KIF18A: variants seen among roughly 807,000 people sequenced by gnomAD.
KIF18A encodes the protein kinesin family member 18A.
A neutral mutation model predicts 103.3 loss-of-function variants in KIF18A; 67 were observed. That is an observed-to-expected ratio of 0.65 (90% confidence interval 0.53 to 0.79). The LOEUF is 0.79. Among genes scored for constraint, KIF18A ranks in the 30% least tolerant of loss-of-function variants. KIF18A has a pLI of 0.00. For missense variants in KIF18A, 1,032 were observed against 1,062.5 expected (o/e 0.97, Z 0.40); for synonymous variants, 367 against 355.5 (o/e 1.03, Z -0.36).
chr11:28,023,719 C>G (rs759756095), intron 16 of KIF18A, 22 bp downstream of exon 16: 1 of 1,342,766 alleles, frequency 7.4e-7, no homozygotes, highest in South Asian at 1.2e-5. Flanking sequence ...CATTAAATAT[C>G]AAATTAAAAG....
intron 15 of KIF18A, among the ~76,000 whole-genome samples, chr11:28,026,203 T>C (rs1040181519): frequency 2.0e-5 from 3 of 151,864 alleles, no homozygotes; most frequent in Non-Finnish European, 3.0e-5. Context: ...TAAACAAATC[T>C]GTTGGGTAGG....
chr11:28,062,430 A>G lies in KIF18A; in HGVS notation c.1677T>C (p.Ala559=). Residue 559 remains alanine (A), a synonymous_variant, in exon 12 of 17, where the codon GCT becomes GCC. Coordinates refer to ENST00000263181, the MANE Select transcript of KIF18A (RefSeq NM_031217.4). ...GCCTGTGTTGCTGTTCCTGAAGACA[A>G]GCTAGATCCATCATATGTCTAATTT... ...KAQIRHMMDL[A]CLQEQQHRQT... The G allele has an allele frequency of 1.9e-6, 3 of 1,611,870 alleles. No individual in the cohort carries two copies. Among genetic ancestry groups the G allele is most frequent in the Non-Finnish European group, 2.5e-6 (3 of 1,178,660 alleles).
Position 28,023,657 on chromosome 11 carries a change from T to C in KIF18A, c.2614+84A>G, listed in dbSNP as rs370591664. ...GGTGATGAATAAAGGGAGATTCTTA[T>C]GAAAACACAATAAAAAACGTAAAGT... is the stretch of plus-strand genomic sequence containing the variant. On this transcript the variant is annotated intron_variant, in intron 16 of 16. Transcript: ENST00000263181. 60 of 639,856 alleles carry C rather than the reference T, an allele frequency of 9.4e-5. No individual in the cohort carries two copies. In the African/African-American group the frequency reaches 9.9e-4, roughly 11 times the overall value. The allele number at this position is 639,856 out of a possible 1,614,324, so 39.6% of individuals were successfully genotyped here.
chr11:28,042,074 T>C (rs533641575), intron 13 of KIF18A, among the ~76,000 whole-genome samples: 2 of 151,884 alleles, frequency 1.3e-5, no homozygotes, highest in African/African-American at 4.8e-5. Flanking sequence ...TGGACACTCA[T>C]AGAGACTTGA....
At chr11:28,041,378 C>T (rs1429543192) in intron 13 of KIF18A, among the ~76,000 whole-genome samples, 1 of 151,486 alleles carries the variant, frequency 6.6e-6, no homozygotes, top group Non-Finnish European at 1.5e-5. Context: ...CTATGAAGAT[C>T]TGGGGGAAAA....
At chr11:28,097,579 G>T in intron 2 of KIF18A, 44 bp downstream of exon 2, 1 of 1,282,394 alleles carries the variant, frequency 7.8e-7, no homozygotes. Context: ...TAATGCAAAA[G>T]TGAAATCGGA....
intron 2 of KIF18A, 111 bp from the exon 3 acceptor site, chr11:28,094,911 C>A: frequency 9.8e-7 from 1 of 1,020,830 alleles, no homozygotes; most frequent in East Asian, 2.5e-5. Flanking sequence ...TCTTTAAACC[C>A]TACAAATCCA....
At chr11:28,073,019 A>G (rs1321797441) in intron 10 of KIF18A, among the ~76,000 whole-genome samples, 1 of 152,116 alleles carries the variant, frequency 6.6e-6, no homozygotes, top group Non-Finnish European at 1.5e-5. Context: ...TTTTGGCTAC[A>G]AAAATAGATT....
rs900910918 is a variant in KIF18A, at chr11:28,024,320, AT to A, written c.2505-471del. Among the ~76,000 whole-genome samples the A allele has an allele frequency of 2.5e-4, 38 of 152,068 alleles. 1 individual carries two copies. The highest frequency in any genetic ancestry group is 8.9e-4 in the African/African-American group (37 of 41,418). On this transcript the variant is annotated intron_variant, in intron 15 of 16. Coordinates refer to ENST00000263181, the MANE Select transcript of KIF18A (RefSeq NM_031217.4). The stretch of plus-strand genomic sequence containing the variant: ...AAATGAAAGCAGGGTAACAATAAAA[AT>A]CTCTAATTATTACAATCACAGAAAC...
intron 13 of KIF18A, among the ~76,000 whole-genome samples, chr11:28,048,902 A>C (rs1159246370): frequency 6.6e-6 from 1 of 152,088 alleles, no homozygotes; most frequent in Non-Finnish European, 1.5e-5. Context: ...GAAATTGCAG[A>C]GGCCAGAAAC....
intron 15 of KIF18A, among the ~76,000 whole-genome samples, 162 bp downstream of exon 15, chr11:28,035,225 T>A (rs1850469194): frequency 6.6e-6 from 1 of 151,584 alleles, no homozygotes; most frequent in African/African-American, 2.4e-5. Context: ...AGATCTCCCT[T>A]TGATAATATA....
intron 15 of KIF18A, 45 bp from the exon 16 acceptor site, chr11:28,023,895 C>A (rs755622423): frequency 3.1e-6 from 3 of 970,766 alleles, no homozygotes; most frequent in Admixed American, 3.7e-5. Context: ...TTTTTTTATA[C>A]CTCAAAGTTC....
chr11:28,086,464 CAAAT>C (rs922019901), intron 6 of KIF18A, among the ~76,000 whole-genome samples: 2 of 152,024 alleles, frequency 1.3e-5, no homozygotes, highest in African/African-American at 2.4e-5. Context: ...TTTGAAGTAA[CAAAT>C]AAATTTTCCA....
chr11:28,052,538 C>T (rs1850724377), intron 13 of KIF18A, among the ~76,000 whole-genome samples: 1 of 152,048 alleles, frequency 6.6e-6, no homozygotes, highest in Non-Finnish European at 1.5e-5. Flanking sequence ...ATAGCTAGTC[C>T]TGTGAAGTCC....
rs529060412 is a variant in KIF18A at position 28,065,686 on chromosome 11, A to C, written c.1591-3170T>G. On this transcript the variant is annotated intron_variant, in intron 11 of 16. Transcript: ENST00000263181. ...TTTTTAAAATTGGAAGCTTACGGTA[A>C]TGTGGGATAGAAAAGGCAAACTAGT... Among the ~76,000 whole-genome samples, 3 of 152,172 alleles carry C rather than the reference A, an allele frequency of 2.0e-5. No individual in the cohort carries two copies. The East Asian group carries it at 5.8e-4, about 29-fold the overall frequency.
At chr11:28,050,448 A>C (rs1179315085) in intron 13 of KIF18A, among the ~76,000 whole-genome samples, 1 of 151,856 alleles carries the variant, frequency 6.6e-6, no homozygotes, top group Admixed American at 6.6e-5. Context: ...GAGATTTCCT[A>C]TCTTTCAAAT....
In KIF18A at chr11:28,046,067, G is replaced by T. The variant is rs1434223285; in HGVS notation, c.1949-9403C>A. ...CAACAGGTGCTGGAGAGGATGTAGA[G>T]AAATAGGAACACTTTTACACTGTTG... On this transcript the variant is annotated intron_variant, in intron 13 of 16. Transcript: ENST00000263181. Among the ~76,000 whole-genome samples, 5 of 151,508 alleles carry T rather than the reference G, an allele frequency of 3.3e-5. No homozygotes were observed. In the East Asian group the frequency reaches 9.7e-4, roughly 29 times the overall value.
At chr11:28,038,644 C>T (rs898404593) in intron 13 of KIF18A, among the ~76,000 whole-genome samples, 3 of 151,578 alleles carry the variant, frequency 2.0e-5, no homozygotes, top group African/African-American at 7.3e-5. Context: ...AGCAACAGTA[C>T]AAGCACTATT....
chr11:28,075,683 G>A (rs1211982235), intron 10 of KIF18A, among the ~76,000 whole-genome samples: 1 of 152,030 alleles, frequency 6.6e-6, no homozygotes, highest in Non-Finnish European at 1.5e-5. Context: ...ACTGAATCTT[G>A]TCTAGAGTGA....
Sources: allele counts gnomAD v4.1 joint callset (sites outside exome capture counted in the v4.1 genomes callset), GRCh38; gene constraint gnomAD v4.1.1; transcripts MANE v1.5; gene names NCBI Gene and HGNC (gene_info 2026-07-23, HGNC 2026-07-21).